Variants in GAREM1 observed in about 807,000 individuals in gnomAD.
GAREM1 encodes the protein GRB2-associated and regulator of MAPK protein 1.
A neutral mutation model predicts 71.3 loss-of-function variants in GAREM1; 26 were observed. That is an observed-to-expected ratio of 0.36 (90% confidence interval 0.27 to 0.51). The LOEUF (loss-of-function observed/expected upper bound fraction) is 0.51, where lower values mean the gene tolerates loss of function less well. Ranked by LOEUF, GAREM1 falls within the 20% of genes least tolerant of loss-of-function variation. The pLI is 0.95. For synonymous variants in GAREM1, 440 were observed against 433.2 expected (o/e 1.02, Z -0.20); for missense variants, 1,026 against 1,103.1 (o/e 0.93, Z 0.99).
chr18:32,364,875 G>GAC (rs35309414), intron 2 of GAREM1, among the ~76,000 whole-genome samples: 5,339 of 144,528 alleles, frequency 0.037, 118 homozygotes, highest in African/African-American at 0.057. Flanking sequence ...TAAGAGCACA[G>GAC]ACACACACAC....
At chr18:32,283,100 C>T (rs1567947390) in intron 4 of GAREM1, among the ~76,000 whole-genome samples, 1 of 152,212 alleles carries the variant, frequency 6.6e-6, no homozygotes, top group Non-Finnish European at 1.5e-5. Flanking sequence ...GGCATGCTCC[C>T]TCAGTTGGGC....
chr18:32,272,638 T>C (rs78802567), intron 4 of GAREM1, among the ~76,000 whole-genome samples: 2 of 152,042 alleles, frequency 1.3e-5, no homozygotes, highest in Non-Finnish European at 2.9e-5. Context: ...TTTTTTTTTT[T>C]TGGAGACGGA....
In GAREM1 at chr18:32,282,559, T is replaced by C. The variant is rs1298367802; in HGVS notation, c.1566+4472A>G. 2.6e-5 allele frequency among the ~76,000 whole-genome samples: 4 copies of C among 152,194 alleles called. No homozygotes were observed. In the South Asian group the frequency reaches 6.2e-4, roughly 24 times the overall value. On this transcript the variant is annotated intron_variant, in intron 4 of 5. Coordinates refer to ENST00000269209, the MANE Select transcript of GAREM1 (RefSeq NM_001242409.2). ...GTTTGTTTGTTTGTTTTTCTGAGACTGAGTCTTGCTCTGTCACCCAGGCTG... is the reference window on the plus strand; with the variant it reads ...GTTTGTTTGTTTGTTTTTCTGAGACCGAGTCTTGCTCTGTCACCCAGGCTG...
intron 2 of GAREM1, among the ~76,000 whole-genome samples, chr18:32,323,884 A>G (rs1316951279): frequency 6.6e-6 from 1 of 152,220 alleles, no homozygotes; most frequent in Admixed American, 6.5e-5. Flanking sequence ...TTTAGTATGA[A>G]AAGAGAAGGG....
intron 2 of GAREM1, among the ~76,000 whole-genome samples, chr18:32,370,253 C>G (rs2047964984): frequency 6.6e-6 from 1 of 151,942 alleles, no homozygotes; most frequent in Admixed American, 6.5e-5. Context: ...CATAGTGAAA[C>G]CCCGTCTCTA....
At chr18:32,366,047 A>G (rs2047926153) in intron 2 of GAREM1, among the ~76,000 whole-genome samples, 1 of 152,084 alleles carries the variant, frequency 6.6e-6, no homozygotes, top group South Asian at 2.1e-4. Flanking sequence ...TCAAACTGTT[A>G]GCACCAGTAG....
intron 1 of GAREM1, among the ~76,000 whole-genome samples, chr18:32,404,415 G>A (rs980912445): frequency 2.0e-5 from 3 of 151,912 alleles, no homozygotes; most frequent in Non-Finnish European, 2.9e-5. Flanking sequence ...GCTCATGTTG[G>A]GTTTTTGGGT....
intron 1 of GAREM1, among the ~76,000 whole-genome samples, chr18:32,421,834 C>G (rs190156889): frequency 1.1e-3 from 172 of 152,206 alleles, no homozygotes; most frequent in Non-Finnish European, 2.1e-3. Flanking sequence ...CACACAAAAC[C>G]TTCCCAAGCT....
At chr18:32,416,233 A>T (rs555355310) in intron 1 of GAREM1, among the ~76,000 whole-genome samples, 21 of 152,282 alleles carry the variant, frequency 1.4e-4, no homozygotes, top group African/African-American at 5.1e-4. Flanking sequence ...ACACAAAAAA[A>T]TAAAAGATAT....
intron 1 of GAREM1, among the ~76,000 whole-genome samples, chr18:32,425,097 C>T (rs1457844706): frequency 2.0e-5 from 3 of 152,154 alleles, no homozygotes; most frequent in African/African-American, 7.2e-5. Context: ...TACCTCAATG[C>T]GTTGGGCATA....
intron 2 of GAREM1, among the ~76,000 whole-genome samples, chr18:32,325,677 A>G (rs2047467965): frequency 6.6e-6 from 1 of 152,204 alleles, no homozygotes; most frequent in Non-Finnish European, 1.5e-5. Context: ...TGGATTCAAC[A>G]TAATACTCAC....
Position 32,268,304 on chromosome 18 carries a change from A to C in GAREM1, c.2198T>G (p.Val733Gly), listed in dbSNP as rs756811267. 1.2e-6 allele frequency: 2 copies of C among 1,613,974 alleles called. No homozygotes were observed. Among genetic ancestry groups the C allele is most frequent in the Admixed American group, 1.7e-5 (1 of 60,002 alleles). The change falls in exon 6 of 6, where the codon GTG becomes GGG. Residue 733 changes from valine to glycine, a missense_variant. Val to Gly is a moderately radical substitution (Grantham distance 109). This residue lies in a region of GAREM1 where 636 missense variants were observed against 631.2 expected (regional missense o/e 1.01). Coordinates refer to ENST00000269209, the MANE Select transcript of GAREM1 (RefSeq NM_001242409.2). ...PALPPRAPKLVEEKVASETSP... is the reference protein window; with the variant it reads ...PALPPRAPKLGEEKVASETSP... ...TGTTTCGGAGGCGACCTTCTCTTCC[A>C]CTAGTTTTGGAGCCCTGGGGGGTAA...
At chr18:32,272,186 C>T (rs920383526) in intron 4 of GAREM1, among the ~76,000 whole-genome samples, 1 of 152,208 alleles carries the variant, frequency 6.6e-6, no homozygotes, top group Non-Finnish European at 1.5e-5. Context: ...CTACACCACA[C>T]CCGGGACCTC....
At chr18:32,301,238 C>T (rs2047198601) in intron 3 of GAREM1, among the ~76,000 whole-genome samples, 1 of 152,208 alleles carries the variant, frequency 6.6e-6, no homozygotes, top group South Asian at 2.1e-4. Context: ...TACAAGAACC[C>T]AACCTCTGGT....
intron 3 of GAREM1, among the ~76,000 whole-genome samples, chr18:32,301,046 C>T (rs1451788225): frequency 1.3e-5 from 2 of 152,126 alleles, no homozygotes; most frequent in Non-Finnish European, 2.9e-5. Context: ...ACATGGATTG[C>T]ATCAAATCTA....
intron 2 of GAREM1, among the ~76,000 whole-genome samples, chr18:32,360,789 A>AT (rs144875031): frequency 0.011 from 1,627 of 152,094 alleles, 28 homozygotes; most frequent in African/African-American, 0.035. Context: ...AATATCTTTC[A>AT]TTTTCTGCGA....
chr18:32,352,722 T>TCACACCTGTGAAGAC (rs1427144677), intron 2 of GAREM1, among the ~76,000 whole-genome samples: 4 of 152,076 alleles, frequency 2.6e-5, no homozygotes, highest in Non-Finnish European at 4.4e-5. Context: ...ACACCTGTGA[T>TCACACCTGTGAAGAC]CACACCTGTG....
chr18:32,334,636 C>T (rs1314884118), intron 2 of GAREM1, among the ~76,000 whole-genome samples: 7 of 152,178 alleles, frequency 4.6e-5, no homozygotes, highest in Admixed American at 2.0e-4. Flanking sequence ...CACAGGCAGT[C>T]CTGACACGGC....
At chr18:32,329,625 G>T (rs2047511004) in intron 2 of GAREM1, among the ~76,000 whole-genome samples, 1 of 147,180 alleles carries the variant, frequency 6.8e-6, no homozygotes. Context: ...AGAATCACTT[G>T]AACCCAGGAG....
Sources: gnomAD v4.1 joint callset for allele counts (sites outside exome capture counted in the v4.1 genomes callset) on GRCh38, gnomAD v4.1.1 for gene constraint, gnomAD v4.1.1 regional missense constraint, MANE v1.5 for transcripts, NCBI Gene and HGNC (gene_info 2026-07-23, HGNC 2026-07-21) for gene names.